The following ASTN2 variants were observed in gnomAD, a reference collection of about 807,000 sequenced individuals.
ASTN2 encodes astrotactin-2.
In ASTN2, 54 loss-of-function variants were observed where a neutral mutation model predicts 139.8. That is an observed-to-expected ratio of 0.39 (90% CI 0.31 to 0.48). ASTN2 has a LOEUF of 0.48. ASTN2 is among the 20% of genes least tolerant of loss of function. The pLI is 0.95. For synonymous variants in ASTN2, 756 were observed against 719.5 expected (o/e 1.05, Z -0.81); for missense variants, 1,565 against 1,725.1 (o/e 0.91, Z 1.64).
At chr9:117,238,614 G>A (rs1156566782) in intron 2 of ASTN2, among the ~76,000 whole-genome samples, 1 of 152,192 alleles carries the variant, frequency 6.6e-6, no homozygotes, top group South Asian at 2.1e-4. Flanking sequence ...TCAGTGATGA[G>A]AAACTGATTA....
At chr9:116,642,543 C>A (rs908440141) in intron 17 of ASTN2, among the ~76,000 whole-genome samples, 1 of 151,962 alleles carries the variant, frequency 6.6e-6, no homozygotes, top group African/African-American at 2.4e-5. Context: ...ATACATATAC[C>A]CCCCATCTAA....
intron 10 of ASTN2, among the ~76,000 whole-genome samples, chr9:116,904,821 C>T (rs1834111467): frequency 6.6e-6 from 1 of 152,164 alleles, no homozygotes; most frequent in African/African-American, 2.4e-5. Flanking sequence ...GCGTGATGAA[C>T]ATCTCTCAAT....
intron 19 of ASTN2, chr9:116,568,483 C>T (rs370037195): frequency 3.3e-5 from 5 of 152,146 alleles, no homozygotes; most frequent in East Asian, 1.9e-4. Context: ...GAACCTGAAT[C>T]GGTAGCCAAA....
intron 19 of ASTN2, among the ~76,000 whole-genome samples, chr9:116,525,121 A>G (rs780927856): frequency 2.0e-5 from 3 of 152,214 alleles, no homozygotes; most frequent in Non-Finnish European, 2.9e-5. Context: ...GTTGTCTCAG[A>G]CGGAGATGAG....
intron 1 of ASTN2, among the ~76,000 whole-genome samples, chr9:117,303,252 G>A (rs1259250422): frequency 6.6e-6 from 1 of 152,120 alleles, no homozygotes; most frequent in Non-Finnish European, 1.5e-5. Context: ...GCAACAGCAG[G>A]AGCCTGACAA....
intron 1 of ASTN2, among the ~76,000 whole-genome samples, chr9:117,365,853 G>C (rs116689278): frequency 1.3e-5 from 2 of 152,176 alleles, no homozygotes; most frequent in African/African-American, 4.8e-5. Flanking sequence ...GGGTTTGGAG[G>C]TATCTTAGGC....
intron 3 of ASTN2, among the ~76,000 whole-genome samples, chr9:117,207,070 C>A (rs1716524151): frequency 6.6e-6 from 1 of 152,082 alleles, no homozygotes; most frequent in African/African-American, 2.4e-5. Context: ...TGTGGACATT[C>A]CCTAGGCTGG....
intron 11 of ASTN2, among the ~76,000 whole-genome samples, chr9:116,823,620 G>A (rs1423581861): frequency 1.3e-5 from 2 of 152,184 alleles, no homozygotes; most frequent in East Asian, 1.9e-4. Flanking sequence ...GGTGTTCTCT[G>A]TCCACTACAC....
At chr9:116,502,883 G>A (rs1006315469) in intron 19 of ASTN2, among the ~76,000 whole-genome samples, 5 of 140,814 alleles carry the variant, frequency 3.6e-5, no homozygotes, top group Non-Finnish European at 7.6e-5. Flanking sequence ...AAGAGAGGAA[G>A]GAAAGAAGAA....
intron 7 of ASTN2, among the ~76,000 whole-genome samples, chr9:116,980,798 G>A (rs1437487530): frequency 6.6e-6 from 1 of 152,062 alleles, no homozygotes; most frequent in Admixed American, 6.5e-5. Context: ...TTTGCAACCA[G>A]GCATTTCCTT....
intron 10 of ASTN2, among the ~76,000 whole-genome samples, chr9:116,874,889 T>C (rs1475951278): frequency 1.3e-5 from 2 of 152,326 alleles, no homozygotes; most frequent in Non-Finnish European, 2.9e-5. Context: ...TTTTGGTAGT[T>C]CTCACAATAT....
At chr9:116,958,999 A>AGTGAGGAG (rs1353680933) in intron 10 of ASTN2, among the ~76,000 whole-genome samples, 1 of 152,170 alleles carries the variant, frequency 6.6e-6, no homozygotes, top group East Asian at 1.9e-4. Flanking sequence ...CAGGAAGTGC[A>AGTGAGGAG]GTGAGGAGGT....
rs112681044 is a variant in ASTN2, at chr9:117,260,499, C to A, written c.630+30827G>T. ...ATGTGCTTTAGTGCATACATAAATC[C>A]CCTAAAACTTATCAAAAACCATATA... On this transcript the variant is annotated intron_variant, in intron 2 of 22. Transcript: ENST00000313400. 2.8e-3 allele frequency among the ~76,000 whole-genome samples: 421 copies of A among 152,204 alleles called. 3 individuals carry two copies. Among genetic ancestry groups the A allele is most frequent in the African/African-American group, 9.4e-3 (392 of 41,540 alleles).
At chr9:116,627,898 T>TA (rs1564165579) in intron 17 of ASTN2, among the ~76,000 whole-genome samples, 7 of 152,204 alleles carry the variant, frequency 4.6e-5, no homozygotes, top group African/African-American at 1.7e-4. Context: ...ACTCATTAAA[T>TA]TTTCCCAACA....
chr9:117,268,585 A>G (rs1369684277), intron 2 of ASTN2, among the ~76,000 whole-genome samples: 3 of 152,192 alleles, frequency 2.0e-5, no homozygotes, highest in Non-Finnish European at 4.4e-5. Flanking sequence ...CCCTGACCCA[A>G]AAGTATGAAA....
intron 19 of ASTN2, among the ~76,000 whole-genome samples, chr9:116,537,478 C>T (rs1851690922): frequency 6.6e-6 from 1 of 152,162 alleles, no homozygotes; most frequent in Non-Finnish European, 1.5e-5. Flanking sequence ...TTATATGAGA[C>T]ACAGTGATAT....
intron 1 of ASTN2, among the ~76,000 whole-genome samples, chr9:117,302,590 G>T (rs1006224255): frequency 7.9e-5 from 12 of 152,222 alleles, no homozygotes; most frequent in African/African-American, 2.6e-4. Flanking sequence ...TTCTAAGTCT[G>T]ACTTGTCAAC....
Position 117,077,327 on chromosome 9 carries a change from A to T in ASTN2, c.1276+18717T>A, listed in dbSNP as rs376188376. Among the ~76,000 whole-genome samples, 14 of 152,272 alleles carry T rather than the reference A, an allele frequency of 9.2e-5. No homozygotes were observed. The East Asian group carries it at 1.7e-3, about 19-fold the overall frequency. ...TCTGAGCAAGTGATTTAAACTTTCCATATTTTAGGGTTCTTATCTGTGAGG... is the reference window on the plus strand; with the variant it reads ...TCTGAGCAAGTGATTTAAACTTTCCTTATTTTAGGGTTCTTATCTGTGAGG... On this transcript the variant is annotated intron_variant, in intron 5 of 22. Coordinates refer to ENST00000313400, the MANE Select transcript of ASTN2 (RefSeq NM_001365068.1).
chr9:117,179,494 G>A (rs1428185772), intron 3 of ASTN2, among the ~76,000 whole-genome samples: 2 of 152,034 alleles, frequency 1.3e-5, no homozygotes, highest in Non-Finnish European at 2.9e-5. Context: ...ATCCTAATAG[G>A]AGACCCCATC....
Sources: gnomAD v4.1 joint callset for allele counts (sites outside exome capture counted in the v4.1 genomes callset) on GRCh38, gnomAD v4.1.1 for gene constraint, MANE v1.5 for transcripts, NCBI Gene and HGNC (gene_info 2026-07-23, HGNC 2026-07-21) for gene names.